Variants in UBR4 observed in about 807,000 individuals in gnomAD.
The protein encoded by UBR4 is E3 ubiquitin-protein ligase UBR4.
UBR4 carries 124 observed loss-of-function variants against 575.6 expected under a neutral mutation model. The observed-to-expected ratio is 0.22, with a 90% CI of 0.19 to 0.25. UBR4 has a LOEUF of 0.25. Among genes scored for constraint, UBR4 ranks in the 10% least tolerant of loss-of-function variants. The pLI is 1.00. For missense variants in UBR4, 4,818 were observed against 6,478.8 expected (o/e 0.74, Z 8.80); for synonymous variants, 2,455 against 2,473.7 (o/e 0.99, Z 0.22).
At chr1:19,154,621 C>G (rs529721408) in intron 44 of UBR4, among the ~76,000 whole-genome samples, 2 of 152,346 alleles carry the variant, frequency 1.3e-5, no homozygotes, top group East Asian at 3.9e-4. Flanking sequence ...GTTCCCTTCT[C>G]ACATTAAAAT....
intron 60 of UBR4, among the ~76,000 whole-genome samples, chr1:19,133,434 C>T (rs2082771363): frequency 6.6e-6 from 1 of 152,190 alleles, no homozygotes; most frequent in African/African-American, 2.4e-5. Flanking sequence ...GTGCTAACAT[C>T]ATACTTAATG....
At position 19,134,086 on chromosome 1, in the gene UBR4, T is replaced by TAAA. The variant is rs71030132; in HGVS notation, c.8906+3918_8906+3920dup. Reference sequence around the variant, plus strand: ...GGGCAAGAGAGTGAGACTCTGTCTCTAAAAAAAAAAAAAAAAAAAAAAAAA... The same window carrying TAAA: ...GGGCAAGAGAGTGAGACTCTGTCTCTAAAAAAAAAAAAAAAAAAAAAAAAAAAA... On this transcript the variant is annotated intron_variant, in intron 60 of 105. Coordinates refer to ENST00000375254, the MANE Select transcript of UBR4 (RefSeq NM_020765.3). Among the ~76,000 whole-genome samples the TAAA allele has an allele frequency of 6.2e-3, 323 of 52,484 alleles. 15 individuals are homozygous for TAAA. The highest frequency in any genetic ancestry group is 0.02 in the East Asian group (29 of 1,472). The allele number at this position is 52,484 out of a possible 152,430, so 34.4% of individuals were successfully genotyped here.
chr1:19,140,610 C>T (rs146244363), intron 58 of UBR4, among the ~76,000 whole-genome samples, 178 bp downstream of exon 58: 298 of 152,290 alleles, frequency 2.0e-3, no homozygotes, highest in Non-Finnish European at 1.5e-3. Context: ...CGGAGCTGTG[C>T]GCGGCGGGGC....
In UBR4 at chr1:19,113,011, T is replaced by G. The variant is rs1209442410; in HGVS notation, c.11458-144A>C. 3 of 815,246 alleles carry G rather than the reference T, an allele frequency of 3.7e-6. No homozygotes were observed. In the African/African-American group the frequency reaches 5.2e-5, roughly 14 times the overall value. The allele number at this position is 815,246 out of a possible 1,614,324, so 50.5% of individuals were successfully genotyped here. On this transcript the variant is annotated intron_variant, in intron 77 of 105. Transcript: ENST00000375254. ...TCAATAACCCAACTGGTTAGATGCT[T>G]TATCTCCATTTTACAGAGAAGGAAA...
At chr1:19,127,598 AC>A in intron 63 of UBR4, 24 bp downstream of exon 63, 1 of 1,595,582 alleles carries the variant, frequency 6.3e-7, no homozygotes, top group Non-Finnish European at 8.6e-7. Flanking sequence ...CTTTCCCCAA[AC>A]CCATGAACCC....
chr1:19,171,547 T>A (rs774470497), intron 25 of UBR4, among the ~76,000 whole-genome samples: 2 of 152,080 alleles, frequency 1.3e-5, no homozygotes, highest in Non-Finnish European at 2.9e-5. Flanking sequence ...TAAAGCAGCA[T>A]AAAGCCCACA....
At chr1:19,142,791 A>G (rs2084101156) in intron 55 of UBR4, among the ~76,000 whole-genome samples, 1 of 152,242 alleles carries the variant, frequency 6.6e-6, no homozygotes, top group Non-Finnish European at 1.5e-5. Context: ...TAGTAAATCA[A>G]TTTTACTTTT....
intron 3 of UBR4, among the ~76,000 whole-genome samples, chr1:19,199,401 A>G (rs921576097): frequency 1.3e-5 from 2 of 152,222 alleles, no homozygotes; most frequent in African/African-American, 4.8e-5. Context: ...TACAGCTCCA[A>G]TTCAAACACT....
chr1:19,208,664 T>C (rs1163778740), intron 1 of UBR4, among the ~76,000 whole-genome samples: 1 of 152,114 alleles, frequency 6.6e-6, no homozygotes, highest in Non-Finnish European at 1.5e-5. Context: ...AACCTAGTGA[T>C]GTATTTGGTT....
intron 42 of UBR4, among the ~76,000 whole-genome samples, chr1:19,155,879 A>C (rs547783952): frequency 6.6e-6 from 1 of 152,306 alleles, no homozygotes; most frequent in Non-Finnish European, 1.5e-5. Flanking sequence ...GACATACATA[A>C]ATAAATTCTG....
rs1184401383 is a variant in UBR4, at chr1:19,104,273, A to C, written c.12728-16T>G. 1.9e-6 allele frequency: 3 copies of C among 1,612,748 alleles called. No homozygotes were observed. In the African/African-American group the frequency reaches 4.0e-5, roughly 22 times the overall value. Reference sequence around the variant, plus strand: ...GAGAGAAGGCCTGTGGAGACAGGAAAATGTTGCTGTGAGAGCTCTGGATGA... The same window carrying C: ...GAGAGAAGGCCTGTGGAGACAGGAACATGTTGCTGTGAGAGCTCTGGATGA... On this transcript the variant is annotated splice_polypyrimidine_tract_variant and intron_variant, in intron 86 of 105. Coordinates refer to ENST00000375254, the MANE Select transcript of UBR4 (RefSeq NM_020765.3).
rs574856355 is a variant in UBR4 at position 19,095,042 on chromosome 1, C to T, written c.13627-17G>A. Reference sequence around the variant, plus strand: ...TACAAGGGCCTGTAGGAGAAGGAGACTCAGTCACTCTCAGAATAAGACCAC... The same window carrying T: ...TACAAGGGCCTGTAGGAGAAGGAGATTCAGTCACTCTCAGAATAAGACCAC... On this transcript the variant is annotated splice_polypyrimidine_tract_variant and intron_variant, in intron 93 of 105. Transcript: ENST00000375254. 9 of 1,614,126 alleles carry T rather than the reference C, an allele frequency of 5.6e-6. No homozygotes were observed. In the South Asian group the frequency reaches 7.7e-5, roughly 14 times the overall value.
At chr1:19,149,897 G>A (rs1571149113) in intron 49 of UBR4, 1 of 937,446 alleles carries the variant, frequency 1.1e-6, no homozygotes, top group Non-Finnish European at 1.4e-6. Context: ...AGGGCATCGG[G>A]GAAAAAGAAA....
At chr1:19,149,716 C>T in intron 49 of UBR4, 1 of 1,287,208 alleles carries the variant, frequency 7.8e-7, no homozygotes, top group Non-Finnish European at 1.0e-6. Flanking sequence ...ACACGGCTCT[C>T]TGACACACAC....
At chr1:19,158,495 G>C (rs534838902) in intron 39 of UBR4, among the ~76,000 whole-genome samples, 2 of 152,082 alleles carry the variant, frequency 1.3e-5, no homozygotes, top group East Asian at 3.9e-4. Flanking sequence ...ACCCAGGTTG[G>C]AGTTCAGTGG....
rs55820713 is a variant in UBR4, at chr1:19,195,969, T to TACACACACACACAC, written c.1018+1158_1018+1171dup. 2.3e-3 allele frequency among the ~76,000 whole-genome samples: 304 copies of TACACACACACACAC among 134,118 alleles called. 2 individuals are homozygous for TACACACACACACAC. The highest frequency in any genetic ancestry group is 8.1e-3 in the African/African-American group (281 of 34,748). 88.0% of individuals were successfully genotyped at this position (134,118 alleles called of 152,430 possible). A position where few individuals can be genotyped will look rare whatever the true frequency, so the allele number is the denominator to read the frequency against. ...GCCATAAAACCTACAGACTTACTTA[T>TACACACACACACAC]ACACACACACACACACACACACACA... On this transcript the variant is annotated intron_variant, in intron 8 of 105. Transcript: ENST00000375254.
rs368172121 is a variant in UBR4, at chr1:19,093,270, C to T, written c.14111+43G>A. The stretch of plus-strand genomic sequence containing the variant: ...CTGATGGAGAAGGAAAAGGAAAGGG[C>T]AAAGCGAAGGCAAAGCAGCCCCGCT... On this transcript the variant is annotated intron_variant, in intron 96 of 105. Coordinates refer to ENST00000375254, the MANE Select transcript of UBR4 (RefSeq NM_020765.3). This position sits in a 1 kb window ranked among gnomAD's most constrained non-coding sequence, Gnocchi z 4.8. 3 of 1,597,952 alleles carry T rather than the reference C, an allele frequency of 1.9e-6. No individual in the cohort carries two copies. The highest frequency in any genetic ancestry group is 2.2e-5 in the East Asian group (1 of 44,698).
chr1:19,099,611 A>C lies in UBR4; in HGVS notation c.13288T>G (p.Cys4430Gly), dbSNP rs773036885. 1.2e-6 allele frequency: 2 copies of C among 1,614,108 alleles called. No homozygotes were observed. The highest frequency in any genetic ancestry group is 1.7e-6 in the Non-Finnish European group (2 of 1,179,954). ...PVAEVYKKVW[C>G]TTNEGEPMRI... ...CAGGCACATACCTCATTCGTGGTAC[A>C]CCAGACTTTCTTGTAAACTTCAGCC... The change falls in exon 90 of 106, where the codon TGT (cysteine) becomes GGT (glycine). Residue 4430 changes from cysteine (C) to glycine (G), a missense_variant. This residue lies in a region of UBR4 where 19 missense variants were observed against 53.9 expected (regional missense o/e 0.35). Transcript: ENST00000375254.
chr1:19,154,095 C>T (rs762147383), intron 44 of UBR4, among the ~76,000 whole-genome samples, 156 bp from the exon 45 acceptor site: 6 of 152,200 alleles, frequency 3.9e-5, no homozygotes, highest in Non-Finnish European at 8.8e-5. Flanking sequence ...TATTCCAAGC[C>T]ATGCACACAT....
Sources: gnomAD v4.1 joint callset for allele counts (sites outside exome capture counted in the v4.1 genomes callset) on GRCh38, gnomAD v4.1.1 for gene constraint, gnomAD v4.1.1 regional missense constraint, Gnocchi (gnomAD v3.1) non-coding constraint, MANE v1.5 for transcripts, NCBI Gene and HGNC (gene_info 2026-07-23, HGNC 2026-07-21) for gene names.